ANKRD55: variants seen among roughly 807,000 people sequenced by gnomAD.
The protein encoded by ANKRD55 is ankyrin repeat domain 55.
Under a neutral mutation model 60.6 loss-of-function variants are expected in ANKRD55, and 41 were observed. The ratio of observed to expected loss-of-function variants is 0.68; its 90% CI spans 0.53 to 0.88. The LOEUF (loss-of-function observed/expected upper bound fraction) is 0.88. Among genes scored for constraint, ANKRD55 ranks in the 40% least tolerant of loss-of-function variants. ANKRD55 has a pLI of 0.00. For missense variants in ANKRD55, 732 were observed against 767.6 expected (o/e 0.95, Z 0.55); for synonymous variants, 264 against 290.3 (o/e 0.91, Z 0.92).
At chr5:56,144,370 A>G (rs1757846884) in intron 6 of ANKRD55, among the ~76,000 whole-genome samples, 1 of 152,232 alleles carries the variant, frequency 6.6e-6, no homozygotes, top group Admixed American at 6.5e-5. Context: ...GCACAGAGGC[A>G]GAGAGTAAGT....
At chr5:56,146,587 T>C (rs767565079) in intron 6 of ANKRD55, among the ~76,000 whole-genome samples, 17 of 152,144 alleles carry the variant, frequency 1.1e-4, no homozygotes, top group Non-Finnish European at 1.9e-4. Flanking sequence ...GCCGAATTTC[T>C]TCGTAAAAAT....
intron 2 of ANKRD55, among the ~76,000 whole-genome samples, chr5:56,208,081 A>G (rs527511240): frequency 2.8e-4 from 42 of 151,978 alleles, no homozygotes; most frequent in Non-Finnish European, 5.4e-4. Context: ...AAATATTTTC[A>G]TTAAAAACTA....
chr5:56,199,584 T>TA (rs199547715), intron 2 of ANKRD55, among the ~76,000 whole-genome samples: 18,839 of 139,928 alleles, frequency 0.13, 1,859 homozygotes, highest in African/African-American at 0.29. Flanking sequence ...TGTTCAAAGT[T>TA]AAAAAAAAAA....
chr5:56,191,893 G>T (rs1414924688), intron 2 of ANKRD55, among the ~76,000 whole-genome samples: 2 of 152,184 alleles, frequency 1.3e-5, no homozygotes, highest in South Asian at 4.1e-4. Context: ...AAATAATTGG[G>T]CACAAACTTA....
intron 6 of ANKRD55, among the ~76,000 whole-genome samples, chr5:56,145,816 A>T (rs1270255314): frequency 6.6e-6 from 1 of 152,188 alleles, no homozygotes; most frequent in East Asian, 1.9e-4. Flanking sequence ...GAACCTCCAG[A>T]GATACTCTTG....
At chr5:56,205,159 C>A (rs534103935) in intron 2 of ANKRD55, among the ~76,000 whole-genome samples, 1 of 152,156 alleles carries the variant, frequency 6.6e-6, no homozygotes, top group Non-Finnish European at 1.5e-5. Context: ...TTCCTGGGTC[C>A]GAACCATTCT....
intron 6 of ANKRD55, among the ~76,000 whole-genome samples, chr5:56,156,355 G>A (rs1319163246): frequency 6.6e-6 from 1 of 152,158 alleles, no homozygotes; most frequent in African/African-American, 2.4e-5. Flanking sequence ...AGGAACCAGG[G>A]ACTTTTCCAA....
At chr5:56,173,604 A>C (rs1277778686) in intron 4 of ANKRD55, among the ~76,000 whole-genome samples, 2 of 132,474 alleles carry the variant, frequency 1.5e-5, no homozygotes, top group African/African-American at 2.9e-5. Flanking sequence ...ATATATATAT[A>C]TATCTTGGCT....
At chr5:56,227,194 T>A (rs964882763) in intron 2 of ANKRD55, among the ~76,000 whole-genome samples, 1 of 152,004 alleles carries the variant, frequency 6.6e-6, no homozygotes, top group Admixed American at 6.6e-5. Context: ...TGTAAGGACA[T>A]GGATGAAGCT....
At chr5:56,149,378 A>G (rs192641058) in intron 6 of ANKRD55, among the ~76,000 whole-genome samples, 8 of 152,136 alleles carry the variant, frequency 5.3e-5, no homozygotes, top group African/African-American at 1.9e-4. Context: ...TGACATTTTT[A>G]AAAAAAGACT....
chr5:56,192,901 A>AT (rs1759135507), intron 2 of ANKRD55: 5 of 641,174 alleles, frequency 7.8e-6, no homozygotes, highest in South Asian at 7.1e-5. Context: ...GTCTAAAAGT[A>AT]TTTTTTATGA....
chr5:56,187,818 T>C (rs1210613597), intron 2 of ANKRD55, among the ~76,000 whole-genome samples: 2 of 152,320 alleles, frequency 1.3e-5, no homozygotes, highest in Admixed American at 1.3e-4. Context: ...TTTCTTGGAA[T>C]ACGTGAGGCC....
intron 5 of ANKRD55, chr5:56,162,118 G>A (rs1049891094): frequency 3.7e-5 from 29 of 777,326 alleles, no homozygotes; most frequent in Non-Finnish European, 4.4e-5. Context: ...GTCAGCTGTG[G>A]TCCAGTGTGG....
rs554950101 is a variant in ANKRD55, at chr5:56,166,240, T to A, written c.422+4454A>T. 5.2e-4 allele frequency among the ~76,000 whole-genome samples: 77 copies of A among 148,556 alleles called. 1 individual carries two copies. The highest frequency in any genetic ancestry group is 1.2e-3 in the Admixed American group (18 of 14,770). ...CTCTTTCTTTCTTTCTTTCTCTCTA[T>A]CTTTCTCTCTTTCTTTCCTTCCTTC... On this transcript the variant is annotated intron_variant, in intron 5 of 11. Transcript: ENST00000341048.
At chr5:56,150,233 G>C (rs1397804214) in intron 6 of ANKRD55, among the ~76,000 whole-genome samples, 1 of 152,084 alleles carries the variant, frequency 6.6e-6, no homozygotes. Context: ...CTGTGACTTT[G>C]CCACCTCTAT....
At chr5:56,189,433 C>T (rs1451743499) in intron 2 of ANKRD55, among the ~76,000 whole-genome samples, 9 of 152,032 alleles carry the variant, frequency 5.9e-5, no homozygotes, top group African/African-American at 1.7e-4. Context: ...CACTAAAACT[C>T]ATCTTTTCAT....
intron 2 of ANKRD55, among the ~76,000 whole-genome samples, chr5:56,232,159 C>T (rs1760272875): frequency 6.6e-6 from 1 of 152,180 alleles, no homozygotes; most frequent in Non-Finnish European, 1.5e-5. Flanking sequence ...AAACACATTG[C>T]ATATGCAAAA....
chr5:56,189,259 C>G (rs1296141807), intron 2 of ANKRD55, among the ~76,000 whole-genome samples: 3 of 142,464 alleles, frequency 2.1e-5, no homozygotes. Flanking sequence ...TGCAGTGAGC[C>G]AACATCGCGC....
intron 6 of ANKRD55, among the ~76,000 whole-genome samples, chr5:56,147,165 G>A (rs943702005): frequency 5.9e-5 from 9 of 152,072 alleles, no homozygotes; most frequent in African/African-American, 2.2e-4. Flanking sequence ...GATCCTAAGG[G>A]GTTAGTAGTT....
Sources: allele counts gnomAD v4.1 joint callset (sites outside exome capture counted in the v4.1 genomes callset), GRCh38; gene constraint gnomAD v4.1.1; transcripts MANE v1.5; gene names NCBI Gene and HGNC (gene_info 2026-07-23, HGNC 2026-07-21).